GRM7: variants seen among roughly 807,000 people sequenced by gnomAD.
GRM7 encodes the protein metabotropic glutamate receptor 7.
GRM7 carries 35 observed loss-of-function variants against 84.5 expected under a neutral mutation model. That is an observed-to-expected ratio of 0.41 (90% CI 0.32 to 0.55). GRM7 has a LOEUF of 0.55. Ranked by LOEUF, GRM7 falls within the 20% of genes least tolerant of loss-of-function variation. The pLI is 0.19. For missense variants in GRM7, 1,003 were observed against 1,194.6 expected, an observed-to-expected ratio of 0.84 and a Z score of 2.36; for synonymous variants, 487 against 455.1, an observed-to-expected ratio of 1.07 and a Z score of -0.89.
At chr3:7,000,168 C>CTT (rs35703323) in intron 1 of GRM7, among the ~76,000 whole-genome samples, 2 of 77,734 alleles carry the variant, frequency 2.6e-5, no homozygotes, top group African/African-American at 5.1e-5. Context: ...GAGGTTGTGA[C>CTT]TTTTTTTTTT....
intron 5 of GRM7, among the ~76,000 whole-genome samples, chr3:7,449,542 G>A (rs1697677093): frequency 6.6e-6 from 1 of 151,992 alleles, no homozygotes; most frequent in Non-Finnish European, 1.5e-5. Flanking sequence ...GGCACAGAGG[G>A]GCTTGCTCTG....
intron 2 of GRM7, among the ~76,000 whole-genome samples, chr3:7,173,748 C>T (rs1336601240): frequency 6.6e-6 from 1 of 152,186 alleles, no homozygotes; most frequent in African/African-American, 2.4e-5. Context: ...AACTCCTGGA[C>T]CTCAGAGCTT....
At chr3:7,229,914 A>C (rs1312186537) in intron 2 of GRM7, among the ~76,000 whole-genome samples, 3 of 129,354 alleles carry the variant, frequency 2.3e-5, no homozygotes, top group Non-Finnish European at 4.7e-5. Context: ...ATCTCAGCTC[A>C]CTGCAAGCTC....
Position 7,244,452 on chromosome 3 carries a change from A to T in GRM7, c.737-54232A>T, listed in dbSNP as rs114255757. Among the ~76,000 whole-genome samples, 1,217 of 152,230 alleles carry T rather than the reference A, an allele frequency of 8.0e-3. 13 individuals carry two copies. The highest frequency in any genetic ancestry group is 0.026 in the African/African-American group (1,099 of 41,576). Reference sequence around the variant, plus strand: ...AGATTCTAAAATATTCAATAGAAAAAAACAGCTGAAAGACTTCAAAGTCTC... The same window carrying T: ...AGATTCTAAAATATTCAATAGAAAATAACAGCTGAAAGACTTCAAAGTCTC... On this transcript the variant is annotated intron_variant, in intron 2 of 9. Transcript: ENST00000357716.
intron 7 of GRM7, among the ~76,000 whole-genome samples, chr3:7,528,656 T>C (rs1700905619): frequency 1.3e-5 from 2 of 152,164 alleles, no homozygotes; most frequent in African/African-American, 2.4e-5. Context: ...CATTTAGCAC[T>C]ATAAACTTTC....
In GRM7 at chr3:7,517,205, C is replaced by T. The variant is rs143755718; in HGVS notation, c.1515+55483C>T. Among the ~76,000 whole-genome samples the T allele has an allele frequency of 3.6e-3, 546 of 152,272 alleles. 1 individual carries two copies. The highest frequency in any genetic ancestry group is 0.012 in the African/African-American group (517 of 41,550). ...CCTCCTGGTAAAATTGAGGTAGATG[C>T]AGAGAAGTTTTGGTCATTTATTTTG... is the stretch of plus-strand genomic sequence containing the variant. On this transcript the variant is annotated intron_variant, in intron 7 of 9. Transcript: ENST00000357716.
intron 1 of GRM7, among the ~76,000 whole-genome samples, chr3:7,140,186 C>G (rs1693902136): frequency 1.3e-5 from 2 of 151,906 alleles, no homozygotes; most frequent in South Asian, 4.2e-4. Flanking sequence ...GAAGGTCCCC[C>G]TTGAATAGGT....
At chr3:7,605,085 T>C (rs1017400624) in intron 8 of GRM7, among the ~76,000 whole-genome samples, 13 of 151,978 alleles carry the variant, frequency 8.6e-5, no homozygotes, top group African/African-American at 2.9e-4. Context: ...TGGAGTAGAG[T>C]TTTTGATTAA....
intron 1 of GRM7, among the ~76,000 whole-genome samples, chr3:6,924,058 C>T (rs927668103): frequency 6.6e-6 from 1 of 152,128 alleles, no homozygotes; most frequent in Admixed American, 6.5e-5. Flanking sequence ...CAATGTGTAC[C>T]TCACTTGTTT....
intron 1 of GRM7, among the ~76,000 whole-genome samples, chr3:6,981,024 C>G (rs1316207611): frequency 6.6e-6 from 1 of 152,010 alleles, no homozygotes; most frequent in Non-Finnish European, 1.5e-5. Flanking sequence ...GAGGAAGAAC[C>G]AAGGTAGAGG....
At chr3:7,322,874 C>G (rs1252260190) in intron 4 of GRM7, among the ~76,000 whole-genome samples, 2 of 152,030 alleles carry the variant, frequency 1.3e-5, no homozygotes, top group African/African-American at 2.4e-5. Flanking sequence ...AGGGGAAGTA[C>G]TGAAAGTGGC....
intron 1 of GRM7, among the ~76,000 whole-genome samples, chr3:7,056,635 A>T (rs981982857): frequency 2.0e-5 from 3 of 152,016 alleles, no homozygotes; most frequent in Non-Finnish European, 4.4e-5. Flanking sequence ...TACGGAAGAT[A>T]ACTACTCATT....
At chr3:7,661,089 C>T (rs1464761796) in intron 8 of GRM7, among the ~76,000 whole-genome samples, 2 of 152,122 alleles carry the variant, frequency 1.3e-5, no homozygotes, top group East Asian at 1.9e-4. Context: ...ACAATTTATA[C>T]GTGAACAGAT....
chr3:7,332,555 T>C (rs540583742), intron 4 of GRM7, among the ~76,000 whole-genome samples: 2 of 152,300 alleles, frequency 1.3e-5, no homozygotes, highest in East Asian at 3.9e-4. Flanking sequence ...CAACCAAGTC[T>C]TGAAAGATCT....
chr3:7,451,068 G>T (rs1697745130), intron 5 of GRM7, among the ~76,000 whole-genome samples: 1 of 152,140 alleles, frequency 6.6e-6, no homozygotes, highest in Non-Finnish European at 1.5e-5. Context: ...AACTCTTATT[G>T]TTTCTTCACT....
rs1181739193 is a variant in GRM7, at chr3:7,576,585, T to C, written c.1516-1837T>C. 2.0e-5 allele frequency among the ~76,000 whole-genome samples: 3 copies of C among 152,212 alleles called. No individual in the cohort carries two copies. The East Asian group carries it at 5.8e-4, about 29-fold the overall frequency. On this transcript the variant is annotated intron_variant, in intron 7 of 9. Coordinates refer to ENST00000357716, the MANE Select transcript of GRM7 (RefSeq NM_000844.4). ...TATTAACACAACACTGAAATTCCAA[T>C]ATGCAATATATTATTTTTCTTTTGC...
intron 5 of GRM7, among the ~76,000 whole-genome samples, chr3:7,426,678 G>C (rs1214312518): frequency 6.6e-6 from 1 of 152,062 alleles, no homozygotes; most frequent in Non-Finnish European, 1.5e-5. Flanking sequence ...TGCATATGAG[G>C]TGAATGTCTC....
chr3:6,987,922 A>G (rs562692540), intron 1 of GRM7, among the ~76,000 whole-genome samples: 6 of 151,658 alleles, frequency 4.0e-5, no homozygotes, highest in East Asian at 3.9e-4. Context: ...ACTCAGGCCC[A>G]TGGAGCTAGA....
intron 8 of GRM7, among the ~76,000 whole-genome samples, chr3:7,615,445 C>CTACACTAAATTCTAAATTTGT (rs1413172379): frequency 1.6e-4 from 25 of 152,010 alleles, no homozygotes; most frequent in Non-Finnish European, 2.6e-4. Context: ...ATTAAAACCT[C>CTACACTAAATTCTAAATTTGT]TACACTAAAT....
Sources: gnomAD v4.1 joint callset for allele counts (sites outside exome capture counted in the v4.1 genomes callset) on GRCh38, gnomAD v4.1.1 for gene constraint, MANE v1.5 for transcripts, NCBI Gene and HGNC (gene_info 2026-07-23, HGNC 2026-07-21) for gene names.